The following ENKUR variants were observed in gnomAD, a reference collection of about 807,000 sequenced individuals.
ENKUR encodes the protein enkurin.
Under a neutral mutation model 27.6 loss-of-function variants are expected in ENKUR, and 19 were observed. That is an observed-to-expected ratio of 0.69 (90% CI 0.48 to 1.01). The LOEUF is 1.01. Ranked by LOEUF, ENKUR falls within the 50% of genes least tolerant of loss-of-function variation. The probability of loss-of-function intolerance (pLI) is 0.00; values close to 1 mark genes in which losing one functional copy is unlikely to be tolerated. For synonymous variants in ENKUR, 117 were observed against 96.9 expected, an observed-to-expected ratio of 1.21 and a Z score of -1.22; for missense variants, 312 against 310.5, an observed-to-expected ratio of 1.00 and a Z score of -0.04.
chr10:25,004,686 T>C (rs1436135810), intron 1 of ENKUR, among the ~76,000 whole-genome samples: 2 of 152,198 alleles, frequency 1.3e-5, no homozygotes, highest in African/African-American at 2.4e-5. Context: ...ATGCATAGTT[T>C]GCAAAAATTT....
At chr10:25,007,602 T>C (rs567570306) in intron 1 of ENKUR, among the ~76,000 whole-genome samples, 62 of 152,110 alleles carry the variant, frequency 4.1e-4, no homozygotes, top group Admixed American at 1.8e-3. Context: ...ACCCGGGTAA[T>C]TTTTTGTATT....
chr10:25,012,297 C>G (rs985898058), intron 1 of ENKUR, among the ~76,000 whole-genome samples: 7 of 152,370 alleles, frequency 4.6e-5, no homozygotes, highest in Admixed American at 2.6e-4. Flanking sequence ...GGGAGCCCCC[C>G]ACACAGAATT....
intron 2 of ENKUR, among the ~76,000 whole-genome samples, chr10:25,050,012 T>A (rs750480393): frequency 1.3e-5 from 2 of 151,978 alleles, no homozygotes; most frequent in Non-Finnish European, 2.9e-5. Context: ...AAGCTTCCAA[T>A]CAAGGTGGAA....
At chr10:25,059,950 C>T (rs1244992683) in intron 2 of ENKUR, among the ~76,000 whole-genome samples, 2 of 152,158 alleles carry the variant, frequency 1.3e-5, no homozygotes, top group Non-Finnish European at 2.9e-5. Flanking sequence ...CACCATTTTG[C>T]CTCGGGCAGC....
chr10:25,018,562 T>C (rs1381839164), upstream of ENKUR, among the ~76,000 whole-genome samples: 1 of 151,930 alleles, frequency 6.6e-6, no homozygotes, highest in Non-Finnish European at 1.5e-5. Flanking sequence ...ATGAAAATGA[T>C]GGTGGGCCAG....
chr10:25,033,934 T>C (rs1366427935), intron 2 of ENKUR, among the ~76,000 whole-genome samples: 2 of 151,986 alleles, frequency 1.3e-5, no homozygotes, highest in African/African-American at 4.8e-5. Context: ...TCTATATATA[T>C]GTATTAAAAT....
At chr10:24,990,682 T>C (rs1849908298) in intron 3 of ENKUR, 73 bp from the exon 4 acceptor site, 1 of 1,391,168 alleles carries the variant, frequency 7.2e-7, no homozygotes, top group African/African-American at 1.4e-5. Context: ...TATCAACTGA[T>C]GATGGAAGAA....
chr10:25,003,172 TAATTA>T (rs1167343434), intron 1 of ENKUR, among the ~76,000 whole-genome samples: 1 of 149,916 alleles, frequency 6.7e-6, no homozygotes, highest in East Asian at 2.0e-4. Context: ...ATTAATTAAT[TAATTA>T]ATTAATTTAT....
chr10:25,054,067 T>A (rs751053624), intron 2 of ENKUR, among the ~76,000 whole-genome samples: 1 of 152,222 alleles, frequency 6.6e-6, no homozygotes, highest in Non-Finnish European at 1.5e-5. Flanking sequence ...TAACTTTTCC[T>A]GACTGCAAAC....
Position 24,982,974 on chromosome 10 carries a change from A to C in ENKUR, c.*1396T>G, listed in dbSNP as rs549208736. 6.6e-6 allele frequency: 1 copy of C among 152,350 alleles called. No homozygotes were observed. The highest frequency in any genetic ancestry group is 2.4e-5 in the African/African-American group (1 of 41,586). The allele number at this position is 152,350 out of a possible 1,614,324, so 9.4% of individuals were successfully genotyped here. On this transcript the variant is annotated 3_prime_UTR_variant, in exon 6 of 6. Transcript: ENST00000331161. The stretch of plus-strand genomic sequence containing the variant: ...GCTAAAGTAATCAGAATATTTTTGC[A>C]TTGCTACTGATTTTGAATTATTTAA...
chr10:25,056,126 A>G (rs769548960), intron 2 of ENKUR, among the ~76,000 whole-genome samples: 6 of 152,232 alleles, frequency 3.9e-5, no homozygotes, highest in Non-Finnish European at 2.9e-5. Context: ...AGGCTCAGGA[A>G]GGTTAATCAG....
At chr10:24,999,712 T>A (rs1850146545) in intron 1 of ENKUR, among the ~76,000 whole-genome samples, 166 bp from the exon 2 acceptor site, 1 of 152,220 alleles carries the variant, frequency 6.6e-6, no homozygotes, top group South Asian at 2.1e-4. Flanking sequence ...CAGACTTAGA[T>A]AAACTAGATG....
upstream of ENKUR, among the ~76,000 whole-genome samples, chr10:25,018,424 T>C (rs11598879): frequency 0.25 from 38,400 of 152,156 alleles, 5,742 homozygotes; most frequent in East Asian, 0.5. Flanking sequence ...TTCAGGCCTT[T>C]TTAGGCCAAG....
At chr10:25,010,350 A>C (rs1270177044) in intron 1 of ENKUR, among the ~76,000 whole-genome samples, 1 of 152,174 alleles carries the variant, frequency 6.6e-6, no homozygotes, top group Non-Finnish European at 1.5e-5. Context: ...GAAATTTCTA[A>C]GCGGCAAAAC....
At position 25,058,085 on chromosome 10, in the gene ENKUR, C is replaced by T. The variant is rs563891729; in HGVS notation, c.37+3027G>A. 3.5e-4 allele frequency among the ~76,000 whole-genome samples: 54 copies of T among 152,174 alleles called. 2 individuals carry two copies. The South Asian group carries it at 0.01, about 28-fold the overall frequency. ...GGAAGAAAGCCCCTGTCAGCTGAAA[C>T]GCTTCGTGCCCAGAGTCCACGAGTA... On this transcript the variant is annotated intron_variant, in intron 2 of 5. Coordinates refer to the ENKUR transcript ENST00000615958.
rs988205498 is a variant in ENKUR at position 25,035,294 on chromosome 10, C to T, written c.37+25818G>A. ...TATCAAGCGGGCACAGTGGCTCATG[C>T]CTGTAATTCCAGTACGTGGGGAGAC... On this transcript the variant is annotated intron_variant, in intron 2 of 5. Transcript: ENST00000615958. 7.9e-5 allele frequency among the ~76,000 whole-genome samples: 12 copies of T among 152,160 alleles called. 1 individual carries two copies. The highest frequency in any genetic ancestry group is 2.7e-4 in the African/African-American group (11 of 41,434).
intron 2 of ENKUR, among the ~76,000 whole-genome samples, chr10:25,030,164 C>T (rs113278573): frequency 0.052 from 7,884 of 152,168 alleles, 287 homozygotes; most frequent in Non-Finnish European, 0.076. Flanking sequence ...CCTTTCTATT[C>T]ACATTGTCCT....
At chr10:25,041,850 C>A (rs1851067964) in intron 2 of ENKUR, among the ~76,000 whole-genome samples, 1 of 152,014 alleles carries the variant, frequency 6.6e-6, no homozygotes, top group Non-Finnish European at 1.5e-5. Context: ...ATGCCAGGGT[C>A]ATGAAAGACA....
chr10:25,007,639 T>C lies in ENKUR; in HGVS notation c.78-8093A>G, dbSNP rs147997761. ...TTAGTAGAGACGGGGTTTCACCATGTTAGCCAGGATGTTCTCGATCTCCTG... is the reference window on the plus strand; with the variant it reads ...TTAGTAGAGACGGGGTTTCACCATGCTAGCCAGGATGTTCTCGATCTCCTG... On this transcript the variant is annotated intron_variant, in intron 1 of 5. Transcript: ENST00000331161. Among the ~76,000 whole-genome samples the C allele has an allele frequency of 1.1e-3, 161 of 152,264 alleles. 1 individual carries two copies. Among genetic ancestry groups the C allele is most frequent in the African/African-American group, 3.8e-3 (156 of 41,558 alleles).
Sources: gnomAD v4.1 joint callset for allele counts (sites outside exome capture counted in the v4.1 genomes callset) on GRCh38, gnomAD v4.1.1 for gene constraint, MANE v1.5 for transcripts, NCBI Gene and HGNC (gene_info 2026-07-23, HGNC 2026-07-21) for gene names.